The following KLHL30 variants were observed in gnomAD, a reference collection of about 807,000 sequenced individuals.
KLHL30 encodes kelch-like protein 30.
Under a neutral mutation model 55.0 loss-of-function variants are expected in KLHL30, and 55 were observed. That is an observed-to-expected ratio of 1.00 (90% CI 0.80 to 1.25). KLHL30 has a LOEUF of 1.25. Among genes scored for constraint, KLHL30 ranks in the 50% most tolerant of loss-of-function variants. The pLI is 0.00. For missense variants in KLHL30, 786 were observed against 811.6 expected, an observed-to-expected ratio of 0.97 and a Z score of 0.38; for synonymous variants, 356 against 372.6, an observed-to-expected ratio of 0.96 and a Z score of 0.51.
intron 3 of KLHL30, among the ~76,000 whole-genome samples, chr2:238,144,003 A>T (rs1692586773): frequency 2.0e-5 from 3 of 152,246 alleles, no homozygotes; most frequent in Admixed American, 2.0e-4. Flanking sequence ...CATCCAAAAT[A>T]TGTCCATTTA....
chr2:238,146,084 G>A (rs1692643358), intron 5 of KLHL30, among the ~76,000 whole-genome samples: 1 of 152,106 alleles, frequency 6.6e-6, no homozygotes, highest in African/African-American at 2.4e-5. Flanking sequence ...CTGGGACAGC[G>A]ACAGCAAGAT....
In KLHL30 at chr2:238,141,298, T is replaced by C; in HGVS notation, c.544T>C (p.Cys182Arg). 4 of 1,598,434 alleles carry C rather than the reference T, an allele frequency of 2.5e-6. No homozygotes were observed. Among genetic ancestry groups the C allele is most frequent in the Non-Finnish European group, 3.4e-6 (4 of 1,175,904 alleles). ...LQLPRERLVT[C>R]LAGDLLQVQP... ...GCTTCCCCGAGAGCGGCTGGTCACTTGTCTGGCCGGCGACCTGCTGCAGGT... is the reference window on the plus strand; with the variant it reads ...GCTTCCCCGAGAGCGGCTGGTCACTCGTCTGGCCGGCGACCTGCTGCAGGT... Residue 182 changes from cysteine to arginine, a missense_variant, in exon 2 of 8, where the codon TGT (cysteine) becomes CGT (arginine). Transcript: ENST00000409223.
At chr2:238,146,154 A>C (rs1431076333) in intron 5 of KLHL30, among the ~76,000 whole-genome samples, 1 of 151,894 alleles carries the variant, frequency 6.6e-6, no homozygotes, top group African/African-American at 2.4e-5. Context: ...GGCCACACCC[A>C]CCCACCAGCA....
rs767538722 is a variant in KLHL30 at position 238,149,061 on chromosome 2, G to C, written c.1394G>C (p.Arg465Pro). ...CTGCCCAAGTACCTGTCCTCGCCTC[G>C]CTGTGCTGCACTGCACGGGGAGCTC... The part of the protein sequence containing the change: ...PFLPKYLSSP[R>P]CAALHGELYL... Residue 465 changes from arginine (R) to proline (P), a missense_variant, in exon 7 of 8, where the codon CGC (arginine) becomes CCC (proline). Transcript: ENST00000409223. 4 of 1,613,226 alleles carry C rather than the reference G, an allele frequency of 2.5e-6. No individual in the cohort carries two copies. The East Asian group carries it at 6.7e-5, about 27-fold the overall frequency.
At chr2:238,142,672 C>T in intron 2 of KLHL30, 127 bp from the exon 3 acceptor site, 2 of 944,002 alleles carry the variant, frequency 2.1e-6, no homozygotes, top group Non-Finnish European at 2.9e-6. Flanking sequence ...TGCACTCGGG[C>T]ACACGCCATC....
At chr2:238,142,070 G>A (rs1692553015) in intron 2 of KLHL30, among the ~76,000 whole-genome samples, 3 of 152,230 alleles carry the variant, frequency 2.0e-5, no homozygotes, top group African/African-American at 7.2e-5. Context: ...GTTTGTGCTG[G>A]CAGTGTGCCT....
At chr2:238,144,410 G>GGAAT (rs1559275893) in intron 3 of KLHL30, among the ~76,000 whole-genome samples, 22 of 127,462 alleles carry the variant, frequency 1.7e-4, no homozygotes, top group African/African-American at 5.3e-4. Context: ...AAGGAAGGAA[G>GGAAT]GAAGGAAGGA....
chr2:238,148,803 G>A (rs1317512053), intron 6 of KLHL30, among the ~76,000 whole-genome samples: 4 of 152,190 alleles, frequency 2.6e-5, no homozygotes, highest in African/African-American at 4.8e-5. Flanking sequence ...AGGGGTCACT[G>A]TCCCCAGAGG....
At chr2:238,144,794 G>A (rs1161836265) in intron 3 of KLHL30, 108 bp from the exon 4 acceptor site, 1 of 813,956 alleles carries the variant, frequency 1.2e-6, no homozygotes. Context: ...CCAGTGAGGG[G>A]GGCATTTCTG....
At position 238,151,279 on chromosome 2, in the gene KLHL30, G is replaced by A. The variant is rs1329224981; in HGVS notation, c.*214G>A. 7.6e-6 allele frequency: 5 copies of A among 656,582 alleles called. No individual in the cohort carries two copies. Among genetic ancestry groups the A allele is most frequent in the Non-Finnish European group, 1.3e-5 (5 of 393,024 alleles). 40.7% of individuals were successfully genotyped at this position (656,582 alleles called of 1,614,324 possible). A position where few individuals can be genotyped will look rare whatever the true frequency, so the allele number is the denominator to read the frequency against. On this transcript the variant is annotated 3_prime_UTR_variant, in exon 8 of 8. Coordinates refer to ENST00000409223, the MANE Select transcript of KLHL30 (RefSeq NM_198582.4). ...TAAACTCTGAGCTGAGCAGTGACAA[G>A]GGCCTGAGTGCCAGACGCTGGCATA...
chr2:238,142,193 C>T (rs78107972), intron 2 of KLHL30, among the ~76,000 whole-genome samples: 2,171 of 152,296 alleles, frequency 0.014, 34 homozygotes, highest in East Asian at 0.076. Flanking sequence ...GAGCCAAGTC[C>T]GGGGACAAAG....
At position 238,152,000 on chromosome 2, in the gene KLHL30, C is replaced by T. The variant is rs981412945; in HGVS notation, c.*935C>T. On this transcript the variant is annotated 3_prime_UTR_variant, in exon 8 of 8. Coordinates refer to ENST00000409223, the MANE Select transcript of KLHL30 (RefSeq NM_198582.4). ...CTCAGGCTCCGAGTGGCTTCTCCCTCATCCTGAATGAGGCACCCACCTTTG... is the reference window on the plus strand; with the variant it reads ...CTCAGGCTCCGAGTGGCTTCTCCCTTATCCTGAATGAGGCACCCACCTTTG... 5.0e-5 allele frequency: 49 copies of T among 985,518 alleles called. No individual in the cohort carries two copies. In the African/African-American group the frequency reaches 8.4e-4, roughly 17 times the overall value. The allele number at this position is 985,518 out of a possible 1,614,324, so 61.0% of individuals were successfully genotyped here. A position where few individuals can be genotyped will look rare whatever the true frequency, so the allele number is the denominator to read the frequency against.
intron 1 of KLHL30, 31 bp from the exon 2 acceptor site, chr2:238,140,654 A>C (rs1692513762): frequency 7.7e-7 from 1 of 1,293,266 alleles, no homozygotes; most frequent in African/African-American, 1.5e-5. Context: ...GACCATCCCC[A>C]CTTGGCTGAC....
At chr2:238,150,574 A>C (rs758138588) in intron 7 of KLHL30, among the ~76,000 whole-genome samples, 14 of 152,122 alleles carry the variant, frequency 9.2e-5, no homozygotes, top group Admixed American at 2.0e-4. Context: ...AGGGGTTGGA[A>C]GTGTCATCCC....
intron 7 of KLHL30, among the ~76,000 whole-genome samples, chr2:238,149,835 C>T (rs1442865271): frequency 2.6e-5 from 4 of 152,120 alleles, no homozygotes; most frequent in South Asian, 2.1e-4. Context: ...AGCCTCTGGG[C>T]GGCCTCCCTG....
At chr2:238,140,018 G>T (rs1346887009) in intron 1 of KLHL30, among the ~76,000 whole-genome samples, 1 of 152,246 alleles carries the variant, frequency 6.6e-6, no homozygotes, top group Non-Finnish European at 1.5e-5. Context: ...CGGCCACGTG[G>T]AATGCAGGGT....
chr2:238,141,465 C>A lies in KLHL30; in HGVS notation c.711C>A (p.Ala237=). The A allele has an allele frequency of 6.6e-7, 1 of 1,519,092 alleles. No homozygotes were observed. The highest frequency in any genetic ancestry group is 8.8e-7 in the Non-Finnish European group (1 of 1,139,022). The allele number at this position is 1,519,092 out of a possible 1,614,324, so 94.1% of individuals were successfully genotyped here. A position where few individuals can be genotyped will look rare whatever the true frequency, so the allele number is the denominator to read the frequency against. Residue 237 remains alanine (A), a synonymous_variant, in exon 2 of 8, where the codon GCC becomes GCA. Coordinates refer to ENST00000409223, the MANE Select transcript of KLHL30 (RefSeq NM_198582.4). Reference sequence around the variant, plus strand: ...GGCCCTGCGTGCAGCAACTGCTGGCCTCAGAGCCCCTGATCCAGGAGTCAG... The same window carrying A: ...GGCCCTGCGTGCAGCAACTGCTGGCATCAGAGCCCCTGATCCAGGAGTCAG... ...VPRPCVQQLL[A]SEPLIQESEA...
chr2:238,145,148 G>A (rs985322733), intron 4 of KLHL30, among the ~76,000 whole-genome samples, 160 bp downstream of exon 4: 3 of 152,224 alleles, frequency 2.0e-5, no homozygotes, highest in African/African-American at 7.2e-5. Context: ...GTGGTCACTC[G>A]TGGGAGCTGG....
chr2:238,141,394 C>A lies in KLHL30; in HGVS notation c.640C>A (p.His214Asn), dbSNP rs1404186333. 3 of 1,586,666 alleles carry A rather than the reference C, an allele frequency of 1.9e-6. No homozygotes were observed. The highest frequency in any genetic ancestry group is 2.6e-6 in the Non-Finnish European group (3 of 1,172,144). ...CCATGACCCGCAGGCCCGGGCCGCC[C>A]ACCTGCCCGAGCTGCTCAGCCTAGT... is the stretch of plus-strand genomic sequence containing the variant. ...VRHDPQARAA[H>N]LPELLSLVHL... The change falls in exon 2 of 8, where the codon CAC becomes AAC. Residue 214 changes from histidine (H) to asparagine (N), a missense_variant. His to Asn is a moderately conservative substitution (Grantham distance 68). Coordinates refer to ENST00000409223, the MANE Select transcript of KLHL30 (RefSeq NM_198582.4).
Sources: gnomAD v4.1 joint callset for allele counts (sites outside exome capture counted in the v4.1 genomes callset) on GRCh38, gnomAD v4.1.1 for gene constraint, MANE v1.5 for transcripts, NCBI Gene and HGNC (gene_info 2026-07-23, HGNC 2026-07-21) for gene names.